Variants in PTBP2 observed in about 807,000 individuals in gnomAD.
PTBP2 encodes the protein polypyrimidine tract-binding protein 2.
Under a neutral mutation model 61.4 loss-of-function variants are expected in PTBP2, and 13 were observed. The ratio of observed to expected loss-of-function variants is 0.21; its 90% CI spans 0.14 to 0.34. The LOEUF (loss-of-function observed/expected upper bound fraction) is 0.34. Ranked by LOEUF, PTBP2 falls within the 10% of genes least tolerant of loss-of-function variation. The probability of loss-of-function intolerance (pLI) is 1.00; values close to 1 mark genes in which losing one functional copy is unlikely to be tolerated. For synonymous variants in PTBP2, 215 were observed against 218.5 expected, an observed-to-expected ratio of 0.98 and a Z score of 0.14; for missense variants, 405 against 642.6, an observed-to-expected ratio of 0.63 and a Z score of 4.00.
At chr1:96,746,658 C>T (rs1434567864) in intron 2 of PTBP2, among the ~76,000 whole-genome samples, 1 of 144,522 alleles carries the variant, frequency 6.9e-6, no homozygotes, top group Admixed American at 7.2e-5. Flanking sequence ...GAGCTATGAT[C>T]GTTCCATTGC....
At chr1:96,738,993 C>G (rs1652610902) in intron 2 of PTBP2, among the ~76,000 whole-genome samples, 1 of 152,044 alleles carries the variant, frequency 6.6e-6, no homozygotes, top group Admixed American at 6.6e-5. Context: ...ATAAACATTA[C>G]AAATGTTTTT....
At chr1:96,748,101 A>G (rs141016268) in intron 2 of PTBP2, among the ~76,000 whole-genome samples, 48 of 150,624 alleles carry the variant, frequency 3.2e-4, no homozygotes, top group Non-Finnish European at 4.3e-4. Flanking sequence ...CTGATAATCT[A>G]TTTTTCCTCA....
chr1:96,766,255 A>G (rs1384210838), intron 3 of PTBP2, among the ~76,000 whole-genome samples: 2 of 152,228 alleles, frequency 1.3e-5, no homozygotes, highest in Admixed American at 6.5e-5. Flanking sequence ...AAAGAGTTGA[A>G]TAATGTATGG....
intron 11 of PTBP2, 81 bp from the exon 12 acceptor site, chr1:96,812,631 T>A: frequency 8.7e-7 from 1 of 1,152,496 alleles, no homozygotes; most frequent in Non-Finnish European, 1.2e-6. Flanking sequence ...AAATTCAAAT[T>A]TTTAAACTGT....
intron 2 of PTBP2, among the ~76,000 whole-genome samples, chr1:96,746,129 A>C (rs945992364): frequency 6.6e-6 from 1 of 152,082 alleles, no homozygotes; most frequent in African/African-American, 2.4e-5. Context: ...TACTGCTGTG[A>C]ACTTCTTTGT....
At chr1:96,743,823 A>T (rs2100868255) in intron 2 of PTBP2, among the ~76,000 whole-genome samples, 1 of 152,138 alleles carries the variant, frequency 6.6e-6, no homozygotes, top group African/African-American at 2.4e-5. Flanking sequence ...AAGCTGTTTT[A>T]TTAAATGAAA....
chr1:96,741,292 C>T (rs1487540614), intron 2 of PTBP2, among the ~76,000 whole-genome samples: 1 of 151,900 alleles, frequency 6.6e-6, no homozygotes, highest in African/African-American at 2.4e-5. Flanking sequence ...GACAGAGTCT[C>T]ACTGTGTCAT....
intron 11 of PTBP2, among the ~76,000 whole-genome samples, chr1:96,808,042 AT>A (rs1448310333): frequency 1.3e-5 from 2 of 151,906 alleles, no homozygotes; most frequent in East Asian, 1.9e-4. Context: ...CAAATATGTC[AT>A]TTTTTTCCCT....
At chr1:96,782,189 C>T (rs1315321891) in intron 7 of PTBP2, among the ~76,000 whole-genome samples, 2 of 151,900 alleles carry the variant, frequency 1.3e-5, no homozygotes, top group Non-Finnish European at 2.9e-5. Flanking sequence ...TTAGTTGACA[C>T]TGGACAGTAT....
At chr1:96,794,157 T>C (rs1448866460) in intron 8 of PTBP2, among the ~76,000 whole-genome samples, 2 of 152,220 alleles carry the variant, frequency 1.3e-5, no homozygotes, top group Non-Finnish European at 1.5e-5. Flanking sequence ...TCCCCTTTTC[T>C]GTGACAATCC....
In PTBP2 at chr1:96,777,951, GTCTT is replaced by G. The variant is rs775499279; in HGVS notation, c.708+11_708+14del. The G allele has an allele frequency of 2.0e-6, 3 of 1,499,136 alleles. No homozygotes were observed. The highest frequency in any genetic ancestry group is 4.6e-5 in the East Asian group (2 of 43,528). The allele number at this position is 1,499,136 out of a possible 1,614,324, so 92.9% of individuals were successfully genotyped here. A position where few individuals can be genotyped will look rare whatever the true frequency, so the allele number is the denominator to read the frequency against. ...AATGCTCAACAAGCAAAACTAGTAA[GTCTT>G]TCTTTTGAGATGGTGATTTTTTTTT... On this transcript the variant is annotated splice_donor_region_variant and intron_variant, in intron 7 of 13. Coordinates refer to ENST00000674951, the MANE Select transcript of PTBP2 (RefSeq NM_021190.4).
At chr1:96,801,824 A>T (rs1156508257) in intron 8 of PTBP2, among the ~76,000 whole-genome samples, 1 of 146,742 alleles carries the variant, frequency 6.8e-6, no homozygotes, top group Non-Finnish European at 1.5e-5. Flanking sequence ...TCTCGCCATT[A>T]CACTCCAGCC....
At chr1:96,770,582 G>A (rs1314802615) in intron 4 of PTBP2, 126 bp from the exon 5 acceptor site, 7 of 894,766 alleles carry the variant, frequency 7.8e-6, no homozygotes, top group Non-Finnish European at 1.2e-5. Context: ...CTGCTTATCA[G>A]AACATTTAAA....
chr1:96,751,328 C>A (rs1490843606), intron 2 of PTBP2, 97 bp from the exon 3 acceptor site: 1 of 952,624 alleles, frequency 1.0e-6, no homozygotes, highest in Admixed American at 1.7e-5. Context: ...TTTAACTATT[C>A]CCAATAGTGT....
At chr1:96,810,572 T>G (rs921019254) in intron 11 of PTBP2, among the ~76,000 whole-genome samples, 1 of 152,166 alleles carries the variant, frequency 6.6e-6, no homozygotes, top group Non-Finnish European at 1.5e-5. Context: ...CACTCATCTG[T>G]TCTGTATGCA....
chr1:96,751,000 T>C (rs568787073), intron 2 of PTBP2, among the ~76,000 whole-genome samples: 28 of 152,080 alleles, frequency 1.8e-4, no homozygotes, highest in Non-Finnish European at 3.4e-4. Flanking sequence ...GATGAAGATA[T>C]TGATATCTAA....
At chr1:96,801,591 A>C (rs2101166012) in intron 8 of PTBP2, among the ~76,000 whole-genome samples, 1 of 152,272 alleles carries the variant, frequency 6.6e-6, no homozygotes, top group Middle Eastern at 3.4e-3. Context: ...GCAGTGGCTC[A>C]GACCTGTAAT....
At chr1:96,738,895 A>C (rs1457419263) in intron 2 of PTBP2, among the ~76,000 whole-genome samples, 1 of 152,238 alleles carries the variant, frequency 6.6e-6, no homozygotes, top group African/African-American at 2.4e-5. Context: ...TGATCAGATA[A>C]GTATATTTTT....
At chr1:96,802,000 A>G (rs1275575099) in intron 8 of PTBP2, among the ~76,000 whole-genome samples, 1 of 151,924 alleles carries the variant, frequency 6.6e-6, no homozygotes, top group African/African-American at 2.4e-5. Flanking sequence ...TCACGAGGTC[A>G]GGAGATCAAG....
Sources: gnomAD v4.1 joint callset for allele counts (sites outside exome capture counted in the v4.1 genomes callset) on GRCh38, gnomAD v4.1.1 for gene constraint, MANE v1.5 for transcripts, NCBI Gene and HGNC (gene_info 2026-07-23, HGNC 2026-07-21) for gene names.